GRM8: variants seen among roughly 807,000 people sequenced by gnomAD.
GRM8 encodes the protein glutamate metabotropic receptor 8, also known as metabotropic glutamate receptor 8.
In GRM8, 47 loss-of-function variants were observed where a neutral mutation model predicts 87.2. The observed-to-expected ratio is 0.54, with a 90% CI of 0.43 to 0.69. The LOEUF (loss-of-function observed/expected upper bound fraction) is 0.69, where lower values mean the gene tolerates loss of function less well. Ranked by LOEUF, GRM8 falls within the 30% of genes least tolerant of loss-of-function variation. The probability of loss-of-function intolerance (pLI) is 0.00; values close to 1 mark genes in which losing one functional copy is unlikely to be tolerated. For synonymous variants in GRM8, 396 were observed against 404.5 expected (o/e 0.98, Z 0.25); for missense variants, 1,019 against 1,139.2 (o/e 0.89, Z 1.52).
At position 127,169,476 on chromosome 7, in the gene GRM8, G is replaced by A. The variant is rs530088087; in HGVS notation, c.511-62764C>T. Among the ~76,000 whole-genome samples, 12 of 152,320 alleles carry A rather than the reference G, an allele frequency of 7.9e-5. No individual in the cohort carries two copies. The South Asian group carries it at 2.1e-3, about 26-fold the overall frequency. On this transcript the variant is annotated intron_variant, in intron 2 of 10. Transcript: ENST00000339582. The stretch of plus-strand genomic sequence containing the variant: ...TCTCCAAAACATAAAAGTGCAAGGG[G>A]AAGCAGCAAGGGCTGATGTAGAAGC...
At chr7:127,217,393 A>C (rs939909498) in intron 2 of GRM8, among the ~76,000 whole-genome samples, 2 of 152,170 alleles carry the variant, frequency 1.3e-5, no homozygotes, top group African/African-American at 4.8e-5. Flanking sequence ...TGGTGGAAAA[A>C]AGCATCCAGA....
chr7:126,576,327 G>A (rs1242166686), intron 8 of GRM8, among the ~76,000 whole-genome samples: 1 of 152,156 alleles, frequency 6.6e-6, no homozygotes, highest in East Asian at 1.9e-4. Flanking sequence ...CTGTCACCCA[G>A]GTTGGAGTGC....
At chr7:127,042,917 G>GA (rs1275608496) in intron 3 of GRM8, among the ~76,000 whole-genome samples, 1 of 151,858 alleles carries the variant, frequency 6.6e-6, no homozygotes, top group South Asian at 2.1e-4. Context: ...AAATTTACAA[G>GA]AAAAAAACAA....
At chr7:127,133,436 G>C (rs1827792030) in intron 2 of GRM8, among the ~76,000 whole-genome samples, 1 of 151,156 alleles carries the variant, frequency 6.6e-6, no homozygotes. Context: ...CCACAACCCT[G>C]TCTCTAAAAA....
chr7:127,093,211 G>A (rs973871375), intron 3 of GRM8, among the ~76,000 whole-genome samples: 2 of 152,088 alleles, frequency 1.3e-5, no homozygotes, highest in African/African-American at 2.4e-5. Context: ...AGACTACAAG[G>A]ACATGAAAAA....
chr7:126,642,083 C>A (rs149403845), intron 7 of GRM8, among the ~76,000 whole-genome samples: 1 of 152,278 alleles, frequency 6.6e-6, no homozygotes, highest in East Asian at 1.9e-4. Flanking sequence ...CATAAAGGGT[C>A]AGCCACATAG....
chr7:127,113,180 C>A lies in GRM8; in HGVS notation c.511-6468G>T, dbSNP rs140850750. Among the ~76,000 whole-genome samples, 4 of 152,286 alleles carry A rather than the reference C, an allele frequency of 2.6e-5. No homozygotes were observed. The South Asian group carries it at 8.3e-4, about 32-fold the overall frequency. On this transcript the variant is annotated intron_variant, in intron 2 of 10. Transcript: ENST00000339582. The stretch of plus-strand genomic sequence containing the variant: ...GCCTCAAGGTTTCCCACTGCTTGCA[C>A]ATCAAAACATTGCAATAAGCTTGAA...
At chr7:127,151,395 C>T (rs930262202) in intron 2 of GRM8, among the ~76,000 whole-genome samples, 6 of 152,188 alleles carry the variant, frequency 3.9e-5, no homozygotes, top group Admixed American at 2.6e-4. Context: ...GGATCTTCCT[C>T]GGATTTCTAC....
chr7:126,660,515 G>A (rs1805040728), intron 7 of GRM8, among the ~76,000 whole-genome samples: 1 of 152,072 alleles, frequency 6.6e-6, no homozygotes, highest in East Asian at 1.9e-4. Context: ...AACATATTGT[G>A]TCTCACTAAT....
intron 9 of GRM8, among the ~76,000 whole-genome samples, chr7:126,505,733 G>C (rs1810357577): frequency 6.6e-6 from 1 of 151,982 alleles, no homozygotes. Context: ...ATATATTCAA[G>C]GTGTAAAACT....
chr7:126,668,221 C>T (rs1468900439), intron 7 of GRM8, among the ~76,000 whole-genome samples: 1 of 152,092 alleles, frequency 6.6e-6, no homozygotes, highest in African/African-American at 2.4e-5. Flanking sequence ...CCATTAAAAC[C>T]CTACTTTACT....
chr7:126,914,314 G>C (rs527660135), intron 3 of GRM8, among the ~76,000 whole-genome samples: 1 of 152,198 alleles, frequency 6.6e-6, no homozygotes, highest in African/African-American at 2.4e-5. Context: ...CTTACACACT[G>C]TTGGTGGGAA....
At chr7:126,721,930 G>A (rs143865054) in intron 7 of GRM8, among the ~76,000 whole-genome samples, 187 of 152,088 alleles carry the variant, frequency 1.2e-3, no homozygotes, top group Middle Eastern at 6.8e-3. Context: ...ATTAGGCTAG[G>A]ACAAGACCTC....
intron 6 of GRM8, among the ~76,000 whole-genome samples, chr7:126,849,448 G>A (rs1357358615): frequency 6.6e-6 from 1 of 152,084 alleles, no homozygotes; most frequent in Non-Finnish European, 1.5e-5. Flanking sequence ...GGAGTTCATA[G>A]CTTCATCTCC....
chr7:127,049,059 A>G (rs1819213126), intron 3 of GRM8, among the ~76,000 whole-genome samples: 1 of 152,154 alleles, frequency 6.6e-6, no homozygotes, highest in Admixed American at 6.5e-5. Context: ...GTTTCAAATT[A>G]TATTCTTTAA....
intron 7 of GRM8, among the ~76,000 whole-genome samples, chr7:126,632,695 T>C (rs941185394): frequency 9.2e-5 from 14 of 152,134 alleles, no homozygotes; most frequent in Non-Finnish European, 2.9e-5. Context: ...TGGAATACTA[T>C]GCAGCCCTAA....
At chr7:127,058,615 T>C (rs1820252727) in intron 3 of GRM8, among the ~76,000 whole-genome samples, 1 of 152,182 alleles carries the variant, frequency 6.6e-6, no homozygotes, top group African/African-American at 2.4e-5. Flanking sequence ...CACCACAACA[T>C]TCCTCTTCTA....
intron 2 of GRM8, among the ~76,000 whole-genome samples, chr7:127,160,918 A>G (rs1793070227): frequency 6.6e-6 from 1 of 152,086 alleles, no homozygotes; most frequent in African/African-American, 2.4e-5. Flanking sequence ...AAAGTGGATC[A>G]AACACCAAAA....
At chr7:127,046,789 C>T (rs532542373) in intron 3 of GRM8, among the ~76,000 whole-genome samples, 3 of 152,104 alleles carry the variant, frequency 2.0e-5, no homozygotes, top group Non-Finnish European at 2.9e-5. Flanking sequence ...CTCTTTCTTG[C>T]CCTATTGTAT....
Sources: gnomAD v4.1 joint callset for allele counts (sites outside exome capture counted in the v4.1 genomes callset) on GRCh38, gnomAD v4.1.1 for gene constraint, MANE v1.5 for transcripts, NCBI Gene and HGNC (gene_info 2026-07-23, HGNC 2026-07-21) for gene names.